Variants in SPTA1 observed in about 807,000 individuals in gnomAD.
SPTA1 encodes spectrin alpha, erythrocytic 1.
A neutral mutation model predicts 324.7 loss-of-function variants in SPTA1; 177 were observed. The observed-to-expected ratio is 0.55, with a 90% CI of 0.48 to 0.62. The LOEUF (loss-of-function observed/expected upper bound fraction) is 0.62, where lower values mean the gene tolerates loss of function less well. Among genes scored for constraint, SPTA1 ranks in the 20% least tolerant of loss-of-function variants. The pLI is 0.00. For missense variants in SPTA1, 3,162 were observed against 2,883.6 expected (o/e 1.10, Z -2.21); for synonymous variants, 1,195 against 1,041.3 (o/e 1.15, Z -2.84).
intron 16 of SPTA1, among the ~76,000 whole-genome samples, chr1:158,664,805 C>T (rs1200711683): frequency 6.6e-6 from 1 of 152,130 alleles, no homozygotes; most frequent in Non-Finnish European, 1.5e-5. Flanking sequence ...TTATCATCAT[C>T]ACTATAGATC....
intron 1 of SPTA1, among the ~76,000 whole-genome samples, chr1:158,686,093 C>T (rs1379374168): frequency 6.6e-6 from 1 of 152,202 alleles, no homozygotes; most frequent in Non-Finnish European, 1.5e-5. Context: ...ATACCATTTT[C>T]CCTAGCTTAC....
chr1:158,617,138 T>C (rs144804792), intron 47 of SPTA1, among the ~76,000 whole-genome samples: 3 of 152,322 alleles, frequency 2.0e-5, no homozygotes, highest in South Asian at 2.1e-4. Context: ...TACTACGTCA[T>C]ATAATAACAG....
intron 43 of SPTA1, 144 bp downstream of exon 43, chr1:158,622,839 T>C: frequency 1.3e-6 from 1 of 799,592 alleles, no homozygotes; most frequent in Non-Finnish European, 2.1e-6. Context: ...TACTTTTTGC[T>C]CAGTAAGAAT....
At chr1:158,612,323 G>A (rs1403108761) in intron 51 of SPTA1, 1 of 196,986 alleles carries the variant, frequency 5.1e-6, no homozygotes, top group Non-Finnish European at 1.0e-5. Context: ...TTAAGGAGAG[G>A]AATGAAGAAA....
Position 158,673,510 on chromosome 1 carries a change from T to C in SPTA1, c.1350+819A>G, listed in dbSNP as rs965262743. Among the ~76,000 whole-genome samples the C allele has an allele frequency of 3.3e-5, 5 of 152,322 alleles. No individual in the cohort carries two copies. The East Asian group carries it at 7.7e-4, about 23-fold the overall frequency. ...TCAGTGGAATGCTGGGTGTTTAAGA[T>C]TGTCCTGTTATTTAATGCAAATTTG... is the stretch of plus-strand genomic sequence containing the variant. On this transcript the variant is annotated intron_variant, in intron 10 of 51. Transcript: ENST00000643759.
chr1:158,619,153 C>T, intron 45 of SPTA1, 69 bp downstream of exon 45: 5 of 1,424,084 alleles, frequency 3.5e-6, no homozygotes, highest in Middle Eastern at 3.5e-4. Flanking sequence ...TCCCTTCAAA[C>T]ATGTATTTCA....
Position 158,674,423 on chromosome 1 carries a change from A to G in SPTA1, c.1256T>C (p.Ile419Thr). 6.2e-7 allele frequency: 1 copy of G among 1,614,100 alleles called. No homozygotes were observed. Among genetic ancestry groups the G allele is most frequent in the Non-Finnish European group, 8.5e-7 (1 of 1,179,964 alleles). ...LDRHQQHKHE[I>T]DSYDDRFQSA... is the part of the protein sequence containing the mutation. Reference sequence around the variant, plus strand: ...TTGAAATCGGTCATCGTAAGAGTCAATCTCATGCTGTGGCCACAAAACAAA... The same window carrying G: ...TTGAAATCGGTCATCGTAAGAGTCAGTCTCATGCTGTGGCCACAAAACAAA... Residue 419 changes from isoleucine (I) to threonine (T), a missense_variant, in exon 10 of 52, where the codon ATT becomes ACT. Transcript: ENST00000643759.
Position 158,645,253 on chromosome 1 carries a change from T to C in SPTA1, c.4129A>G (p.Arg1377Gly). ...TCCCAAGCCTTCTCCAAATCATCTC[T>C]CTCTAGCTTGACAGCTTGAAGCTTT... The part of the protein sequence containing the change: ...EKKLQAVKLE[R>G]DDLEKAWEKR... The change falls in exon 29 of 52, where the codon AGA becomes GGA. Residue 1377 changes from arginine to glycine, a missense_variant. Transcript: ENST00000643759. 1 of 1,614,060 alleles carries C rather than the reference T, an allele frequency of 6.2e-7. No homozygotes were observed. The highest frequency in any genetic ancestry group is 8.5e-7 in the Non-Finnish European group (1 of 1,179,958).
intron 14 of SPTA1, among the ~76,000 whole-genome samples, chr1:158,668,444 G>A (rs970911523): frequency 1.2e-4 from 18 of 152,094 alleles, no homozygotes; most frequent in African/African-American, 4.3e-4. Context: ...TAAACATATA[G>A]TGGAGCCATA....
chr1:158,682,239 C>T (rs1412909753), intron 3 of SPTA1, among the ~76,000 whole-genome samples: 1 of 152,178 alleles, frequency 6.6e-6, no homozygotes, highest in Non-Finnish European at 1.5e-5. Flanking sequence ...TCTTATATAA[C>T]TGAAATTGCC....
At chr1:158,637,989 A>G in intron 36 of SPTA1, 44 bp downstream of exon 36, 1 of 1,595,648 alleles carries the variant, frequency 6.3e-7, no homozygotes, top group Admixed American at 1.7e-5. Context: ...TGGATTATCT[A>G]CTCGCTTGTA....
chr1:158,642,002 C>T (rs1312018059), intron 33 of SPTA1, among the ~76,000 whole-genome samples: 2 of 152,168 alleles, frequency 1.3e-5, no homozygotes, highest in Non-Finnish European at 2.9e-5. Context: ...AGTTCATGTC[C>T]TTTGTAGGGA....
chr1:158,653,802 T>A (rs997955211), intron 21 of SPTA1, among the ~76,000 whole-genome samples: 1 of 152,054 alleles, frequency 6.6e-6, no homozygotes, highest in South Asian at 2.1e-4. Flanking sequence ...TGCACAAAAA[T>A]TCTTCTCTTC....
chr1:158,678,810 G>A (rs1654589840), intron 5 of SPTA1, among the ~76,000 whole-genome samples: 2 of 152,016 alleles, frequency 1.3e-5, no homozygotes, highest in Admixed American at 1.3e-4. Flanking sequence ...GTTATTTTTA[G>A]AGCTCCACCT....
rs181134745 is a variant in SPTA1, at chr1:158,653,020, G to A, written c.3188+254C>T. Among the ~76,000 whole-genome samples the A allele has an allele frequency of 3.4e-3, 524 of 152,312 alleles. 1 individual carries two copies. Among genetic ancestry groups the A allele is most frequent in the Non-Finnish European group, 4.7e-3 (318 of 68,020 alleles). On this transcript the variant is annotated intron_variant, in intron 22 of 51. Transcript: ENST00000643759. ...TCAGGAGACTTTAATAACCTTGAAA[G>A]AATGTGGGGCAGGGAATCAGAAGAG...
At chr1:158,682,618 C>T (rs1244761449) in intron 3 of SPTA1, among the ~76,000 whole-genome samples, 3 of 151,790 alleles carry the variant, frequency 2.0e-5, no homozygotes, top group Non-Finnish European at 2.9e-5. Flanking sequence ...AAGGCCAGAC[C>T]CAGTTTTAAG....
rs772644757 is a variant in SPTA1, at chr1:158,686,493, C to G, written c.24+1G>C. The G allele has an allele frequency of 6.3e-7, 1 of 1,589,146 alleles. No homozygotes were observed. On this transcript the variant is annotated splice_donor_variant, in intron 1 of 51. Coordinates refer to ENST00000643759, the MANE Select transcript of SPTA1 (RefSeq NM_003126.4). LOFTEE classifies it high-confidence loss of function. ...TGCATGGAAGAGAAATATGTACTTACGGTTTCCTTTGGAAATTGCTCCATT... is the reference window on the plus strand; with the variant it reads ...TGCATGGAAGAGAAATATGTACTTAGGGTTTCCTTTGGAAATTGCTCCATT...
At position 158,644,285 on chromosome 1, in the gene SPTA1, G is replaced by C; in HGVS notation, c.4306C>G (p.Arg1436Gly). 1 of 1,613,788 alleles carries C rather than the reference G, an allele frequency of 6.2e-7. No individual in the cohort carries two copies. Among genetic ancestry groups the C allele is most frequent in the Non-Finnish European group, 8.5e-7 (1 of 1,179,880 alleles). Residue 1436 changes from arginine (R) to glycine (G), a missense_variant, in exon 30 of 52, where the codon CGG (arginine) becomes GGG (glycine). Arg to Gly is a moderately radical substitution (Grantham distance 125). Coordinates refer to ENST00000643759, the MANE Select transcript of SPTA1 (RefSeq NM_003126.4). ...GTGATTGCTTTGTCCAAATCGTCCC[G>C]TTTCTTCATCAAAGCCTCCAGACTG... is the stretch of plus-strand genomic sequence containing the variant. Reference protein sequence around the residue: ...LDSLEALMKKRDDLDKAITAQ... With the variant: ...LDSLEALMKKGDDLDKAITAQ...
Position 158,667,936 on chromosome 1 carries a change from C to A in SPTA1, c.1960G>T (p.Ala654Ser). The A allele has an allele frequency of 6.2e-7, 1 of 1,614,090 alleles. No homozygotes were observed. Among genetic ancestry groups the A allele is most frequent in the Non-Finnish European group, 8.5e-7 (1 of 1,180,000 alleles). The change falls in exon 15 of 52, where the codon GCC becomes TCC. Residue 654 changes from alanine (A) to serine (S), a missense_variant. Coordinates refer to ENST00000643759, the MANE Select transcript of SPTA1 (RefSeq NM_003126.4). ...GQEMIEGGHY[A>S]SDNVTTRLSE... ...AGACGAGTGGTCACATTGTCAGAGG[C>A]ATAGTGACCACCCTCAATCATCTCT...
Sources: gnomAD v4.1 joint callset for allele counts (sites outside exome capture counted in the v4.1 genomes callset) on GRCh38, gnomAD v4.1.1 for gene constraint, MANE v1.5 for transcripts, NCBI Gene and HGNC (gene_info 2026-07-23, HGNC 2026-07-21) for gene names.